HELZ: variants seen among roughly 807,000 people sequenced by gnomAD.
HELZ encodes the protein ATP-dependent RNA helicase with zinc finger domain.
A neutral mutation model predicts 218.2 loss-of-function variants in HELZ; 23 were observed. The observed-to-expected ratio is 0.11, with a 90% CI of 0.08 to 0.15. The LOEUF is 0.15. HELZ is among the 10% of genes least tolerant of loss of function. The pLI is 1.00. For synonymous variants in HELZ, 814 were observed against 829.4 expected, an observed-to-expected ratio of 0.98 and a Z score of 0.32; for missense variants, 1,813 against 2,353.7, an observed-to-expected ratio of 0.77 and a Z score of 4.75.
At chr17:67,221,577 C>G (rs1490591901) in intron 3 of HELZ, among the ~76,000 whole-genome samples, 2 of 152,196 alleles carry the variant, frequency 1.3e-5, no homozygotes, top group Non-Finnish European at 2.9e-5. Flanking sequence ...CCAGAATTCA[C>G]CAGCTGCACC....
intron 5 of HELZ, among the ~76,000 whole-genome samples, chr17:67,211,922 T>C (rs890029918): frequency 3.0e-4 from 46 of 152,126 alleles, no homozygotes; most frequent in African/African-American, 1.1e-3. Context: ...AGACTGTTTT[T>C]TAATTCCATG....
chr17:67,152,060 TA>T (rs1347611043), intron 17 of HELZ, among the ~76,000 whole-genome samples: 1 of 152,152 alleles, frequency 6.6e-6, no homozygotes, highest in African/African-American at 2.4e-5. Context: ...CTTATTTTGT[TA>T]AAGGACTATT....
At chr17:67,113,036 A>G (rs1002352214) in intron 28 of HELZ, among the ~76,000 whole-genome samples, 7 of 152,218 alleles carry the variant, frequency 4.6e-5, no homozygotes, top group African/African-American at 1.7e-4. Context: ...TGGATTAAAG[A>G]GCAAATAAGA....
rs2035876520 is a variant in HELZ, at chr17:67,071,160, A to T, written c.*7092T>A. 1 of 152,622 alleles carries T rather than the reference A, an allele frequency of 6.6e-6. No homozygotes were observed. Among genetic ancestry groups the T allele is most frequent in the Non-Finnish European group, 1.5e-5 (1 of 68,030 alleles). 9.5% of individuals were successfully genotyped at this position (152,622 alleles called of 1,614,324 possible). A position where few individuals can be genotyped will look rare whatever the true frequency, so the allele number is the denominator to read the frequency against. Reference sequence around the variant, plus strand: ...ATCAGGTCAGATGACTGGCACAGAAATCAGATACAGTACAATGTCATATAC... The same window carrying T: ...ATCAGGTCAGATGACTGGCACAGAATTCAGATACAGTACAATGTCATATAC... On this transcript the variant is annotated 3_prime_UTR_variant, in exon 33 of 33. Coordinates refer to ENST00000358691, the MANE Select transcript of HELZ (RefSeq NM_014877.4).
At chr17:67,089,688 G>GAC (rs1598191601) in intron 31 of HELZ, among the ~76,000 whole-genome samples, 2 of 130,222 alleles carry the variant, frequency 1.5e-5, no homozygotes, top group African/African-American at 6.6e-5. Flanking sequence ...GAGAGAGAGA[G>GAC]AGAGAGAGAG....
At chr17:67,225,100 A>C (rs766108034) in intron 3 of HELZ, 45 of 486,832 alleles carry the variant, frequency 9.2e-5, no homozygotes, top group Admixed American at 2.2e-4. Context: ...AAAATTACAT[A>C]TATATATAAG....
At chr17:67,224,986 G>A in intron 3 of HELZ, 3 of 697,528 alleles carry the variant, frequency 4.3e-6, no homozygotes, top group South Asian at 4.1e-5. Flanking sequence ...TTAAAAAGAT[G>A]CAAGCATTTT....
At chr17:67,120,160 T>G (rs1384660776) in intron 27 of HELZ, 1 of 404,840 alleles carries the variant, frequency 2.5e-6, no homozygotes, top group Non-Finnish European at 4.6e-6. Context: ...CCCGCCACCA[T>G]GCCCGGCTAA....
At chr17:67,187,942 A>G (rs2039800420) in intron 12 of HELZ, among the ~76,000 whole-genome samples, 1 of 152,232 alleles carries the variant, frequency 6.6e-6, no homozygotes, top group Non-Finnish European at 1.5e-5. Context: ...TCAATAGGAC[A>G]TGAAAATAAA....
chr17:67,101,681 T>G (rs2036935218), intron 31 of HELZ, among the ~76,000 whole-genome samples: 1 of 152,220 alleles, frequency 6.6e-6, no homozygotes, highest in Non-Finnish European at 1.5e-5. Context: ...AAGAATTAAC[T>G]TCTGTTGTTT....
At chr17:67,224,566 G>A (rs1019802108) in intron 3 of HELZ, 2 of 439,560 alleles carry the variant, frequency 4.5e-6, no homozygotes, top group Non-Finnish European at 8.4e-6. Flanking sequence ...GTGTATACAC[G>A]ATTATTAATA....
At chr17:67,164,992 C>T (rs568643369) in intron 15 of HELZ, among the ~76,000 whole-genome samples, 12 of 152,106 alleles carry the variant, frequency 7.9e-5, no homozygotes, top group South Asian at 6.3e-4. Context: ...TGAAATAGTC[C>T]GGGTCTAAAA....
Position 67,148,657 on chromosome 17 carries a change from G to C in HELZ, c.2533C>G (p.Leu845Val), listed in dbSNP as rs758127454. ...GGGTAATGCTCATAGAGTCGGTCAA[G>C]TAATGAAACGTGAAGGTTTCTCTCC... The part of the protein sequence containing the change: ...ARERNLHVSL[L>V]DRLYEHYPAE... The change falls in exon 20 of 33, where the codon CTT (leucine) becomes GTT (valine). Residue 845 changes from leucine to valine, a missense_variant. By Grantham distance (32) the Leu-to-Val change is conservative. This residue lies in a region of HELZ where 714 missense variants were observed against 1,029.2 expected (regional missense o/e 0.69). Coordinates refer to ENST00000358691, the MANE Select transcript of HELZ (RefSeq NM_014877.4). 6.2e-7 allele frequency: 1 copy of C among 1,613,704 alleles called. No homozygotes were observed. Among genetic ancestry groups the C allele is most frequent in the Non-Finnish European group, 8.5e-7 (1 of 1,179,666 alleles).
At chr17:67,209,021 A>AAGGG (rs2040380511) in intron 5 of HELZ, among the ~76,000 whole-genome samples, 10 of 125,002 alleles carry the variant, frequency 8.0e-5, no homozygotes, top group Middle Eastern at 3.5e-3. Flanking sequence ...GGAAGGAAGG[A>AAGGG]AGGAAGGGAG....
intron 11 of HELZ, 44 bp downstream of exon 11, chr17:67,189,545 A>C (rs534046654): frequency 7.7e-7 from 1 of 1,297,904 alleles, no homozygotes; most frequent in South Asian, 1.2e-5. Context: ...ACGTTCAGAA[A>C]ATTAAACACA....
At chr17:67,092,894 G>GA (rs941546555) in intron 31 of HELZ, among the ~76,000 whole-genome samples, 9 of 151,348 alleles carry the variant, frequency 5.9e-5, no homozygotes, top group East Asian at 1.9e-4. Context: ...GAAACCGGCG[G>GA]GGGGGGGAAG....
At position 67,072,095 on chromosome 17, in the gene HELZ, G is replaced by A. The variant is rs1223199721; in HGVS notation, c.*6157C>T. The A allele has an allele frequency of 1.3e-5, 2 of 152,584 alleles. No homozygotes were observed. The highest frequency in any genetic ancestry group is 2.9e-5 in the Non-Finnish European group (2 of 68,094). The allele number at this position is 152,584 out of a possible 1,614,324, so 9.5% of individuals were successfully genotyped here. A position where few individuals can be genotyped will look rare whatever the true frequency, so the allele number is the denominator to read the frequency against. ...CTCATGCCTGTAATCCCAACACTTT[G>A]GGAGCCCGAGGCGGGCAGATCATGA... On this transcript the variant is annotated 3_prime_UTR_variant, in exon 33 of 33. Transcript: ENST00000358691.
intron 7 of HELZ, 67 bp downstream of exon 7, chr17:67,201,062 A>C (rs760270550): frequency 8.3e-7 from 1 of 1,209,040 alleles, no homozygotes; most frequent in South Asian, 1.2e-5. Context: ...TCCAAATTTT[A>C]ATACATAATG....
At chr17:67,224,704 C>T (rs1283692411) in intron 3 of HELZ, 2 of 822,010 alleles carry the variant, frequency 2.4e-6, no homozygotes, top group Admixed American at 1.8e-5. Flanking sequence ...CCTAGGTTTC[C>T]ATGCCCATAG....
Sources: gnomAD v4.1 joint callset for allele counts (sites outside exome capture counted in the v4.1 genomes callset) on GRCh38, gnomAD v4.1.1 for gene constraint, gnomAD v4.1.1 regional missense constraint, MANE v1.5 for transcripts, NCBI Gene and HGNC (gene_info 2026-07-23, HGNC 2026-07-21) for gene names.